Variants in NDUFAF2 observed in about 807,000 individuals in gnomAD.
NDUFAF2 encodes NADH dehydrogenase [ubiquinone] 1 alpha subcomplex assembly factor 2.
A neutral mutation model predicts 22.8 loss-of-function variants in NDUFAF2; 13 were observed. That is an observed-to-expected ratio of 0.57 (90% CI 0.37 to 0.91). The LOEUF is 0.91. Ranked by LOEUF, NDUFAF2 falls within the 40% of genes least tolerant of loss-of-function variation. NDUFAF2 has a pLI of 0.01. For synonymous variants in NDUFAF2, 53 were observed against 64.2 expected (o/e 0.83, Z 0.84); for missense variants, 162 against 195.2 (o/e 0.83, Z 1.01).
At chr5:61,106,566 T>C (rs1223107403) in intron 3 of NDUFAF2, among the ~76,000 whole-genome samples, 1 of 151,424 alleles carries the variant, frequency 6.6e-6, no homozygotes, top group East Asian at 1.9e-4. Flanking sequence ...TTATACTCTT[T>C]TAGTTATTTG....
Position 61,032,751 on chromosome 5 carries a change from A to G in NDUFAF2, c.128-40374A>G, listed in dbSNP as rs533034391. ...GTGAACTTTAAAGTAGTTTTTTCCA[A>G]TTCTGTGAAGAAAGTCAATGGTAGC... is the stretch of plus-strand genomic sequence containing the variant. On this transcript the variant is annotated intron_variant, in intron 1 of 3. Transcript: ENST00000296597. 1.2e-4 allele frequency among the ~76,000 whole-genome samples: 18 copies of G among 152,240 alleles called. No homozygotes were observed. The South Asian group carries it at 1.2e-3, about 11-fold the overall frequency.
In NDUFAF2 at chr5:61,140,871, C is replaced by A. The variant is rs181994399; in HGVS notation, c.259-11833C>A. ...TCTCTTCTTAGTTCTCTGGTTGATT[C>A]TGATTGATTGTTTAATACTGAAGTA... On this transcript the variant is annotated intron_variant, in intron 3 of 3. Coordinates refer to ENST00000296597, the MANE Select transcript of NDUFAF2 (RefSeq NM_174889.5). Among the ~76,000 whole-genome samples, 223 of 152,246 alleles carry A rather than the reference C, an allele frequency of 1.5e-3. 2 individuals are homozygous for A. Among genetic ancestry groups the A allele is most frequent in the African/African-American group, 5.1e-3 (211 of 41,554 alleles).
chr5:60,987,290 C>A (rs1751095104), intron 1 of NDUFAF2, among the ~76,000 whole-genome samples: 1 of 151,930 alleles, frequency 6.6e-6, no homozygotes, highest in Admixed American at 6.6e-5. Flanking sequence ...AATAAATAGC[C>A]TACCAATCCC....
intron 1 of NDUFAF2, among the ~76,000 whole-genome samples, chr5:61,052,542 C>T (rs1752038122): frequency 6.6e-6 from 1 of 152,124 alleles, no homozygotes; most frequent in South Asian, 2.1e-4. Context: ...GATCTCCTGA[C>T]CTCGTGATCC....
At chr5:61,139,845 A>G (rs1172765972) in intron 3 of NDUFAF2, among the ~76,000 whole-genome samples, 2 of 152,324 alleles carry the variant, frequency 1.3e-5, no homozygotes, top group African/African-American at 4.8e-5. Flanking sequence ...TGCCTTTTCC[A>G]ATACTCCCTA....
intron 1 of NDUFAF2, among the ~76,000 whole-genome samples, chr5:60,989,907 A>G (rs1046862262): frequency 6.6e-6 from 1 of 152,036 alleles, no homozygotes; most frequent in Non-Finnish European, 1.5e-5. Context: ...AGTGAAAGTT[A>G]AAAGAGAAAT....
intron 1 of NDUFAF2, among the ~76,000 whole-genome samples, chr5:61,048,683 C>T (rs1285341526): frequency 1.3e-5 from 2 of 152,132 alleles, no homozygotes; most frequent in African/African-American, 4.8e-5. Flanking sequence ...TTAATCCTAA[C>T]ATCCAAATAA....
intron 1 of NDUFAF2, among the ~76,000 whole-genome samples, chr5:60,960,360 GGAAAATAAT>G (rs1750668485): frequency 6.6e-6 from 1 of 151,978 alleles, no homozygotes. Context: ...AATAAATGAG[GGAAAATAAT>G]ATGTCTAGTG....
At chr5:61,110,228 G>C (rs1752821185) in intron 3 of NDUFAF2, among the ~76,000 whole-genome samples, 1 of 151,140 alleles carries the variant, frequency 6.6e-6, no homozygotes, top group African/African-American at 2.4e-5. Context: ...TTGCATCAGT[G>C]TTCATCAGGG....
At chr5:61,034,910 ATATGTGTG>A (rs1350705035) in intron 1 of NDUFAF2, among the ~76,000 whole-genome samples, 7 of 89,408 alleles carry the variant, frequency 7.8e-5, no homozygotes, top group South Asian at 4.0e-4. Flanking sequence ...AGGCAAATAT[ATATGTGTG>A]TGTGTGTGTG....
chr5:61,125,371 A>G (rs1175122041), intron 3 of NDUFAF2, among the ~76,000 whole-genome samples: 2 of 151,986 alleles, frequency 1.3e-5, no homozygotes, highest in Non-Finnish European at 1.5e-5. Flanking sequence ...TTGTGGTTCT[A>G]ATAGCATCTC....
intron 1 of NDUFAF2, among the ~76,000 whole-genome samples, chr5:60,993,171 A>G (rs936642547): frequency 1.3e-5 from 2 of 152,238 alleles, no homozygotes; most frequent in Non-Finnish European, 1.5e-5. Context: ...CTCCAGGTGC[A>G]GCATGGGCAC....
intron 1 of NDUFAF2, among the ~76,000 whole-genome samples, chr5:61,054,964 T>G (rs1259285156): frequency 1.3e-5 from 2 of 152,222 alleles, no homozygotes; most frequent in Non-Finnish European, 2.9e-5. Flanking sequence ...GTGTCATTAG[T>G]ATAACTTTAA....
chr5:61,067,483 A>G (rs981648618), intron 1 of NDUFAF2, among the ~76,000 whole-genome samples: 4 of 152,120 alleles, frequency 2.6e-5, no homozygotes, highest in Admixed American at 6.5e-5. Flanking sequence ...TACAAAGGAC[A>G]TGAACTCATC....
chr5:61,093,381 A>G (rs1306997284), intron 2 of NDUFAF2, among the ~76,000 whole-genome samples: 1 of 152,212 alleles, frequency 6.6e-6, no homozygotes, highest in Non-Finnish European at 1.5e-5. Context: ...CATTCCATAT[A>G]TCGGCAGTGG....
intron 2 of NDUFAF2, among the ~76,000 whole-genome samples, chr5:61,084,566 C>T (rs1016048257): frequency 2.0e-5 from 3 of 152,114 alleles, no homozygotes; most frequent in African/African-American, 4.8e-5. Context: ...TTGAATCATA[C>T]AGTATTTGAC....
At chr5:61,047,828 G>T (rs1751972384) in intron 1 of NDUFAF2, among the ~76,000 whole-genome samples, 1 of 152,130 alleles carries the variant, frequency 6.6e-6, no homozygotes, top group Non-Finnish European at 1.5e-5. Flanking sequence ...TTTTGGTGAT[G>T]CTGTATGTGC....
intron 1 of NDUFAF2, among the ~76,000 whole-genome samples, chr5:61,020,409 C>T (rs1299532078): frequency 6.6e-6 from 1 of 152,046 alleles, no homozygotes; most frequent in Non-Finnish European, 1.5e-5. Context: ...GTATATTTTA[C>T]TATAAATAAT....
chr5:61,020,216 T>C (rs1011885198), intron 1 of NDUFAF2, among the ~76,000 whole-genome samples: 2 of 152,150 alleles, frequency 1.3e-5, no homozygotes, highest in Admixed American at 1.3e-4. Context: ...AAGAACTAGC[T>C]TTTAATTACA....
Sources: allele counts gnomAD v4.1 joint callset (sites outside exome capture counted in the v4.1 genomes callset), GRCh38; gene constraint gnomAD v4.1.1; transcripts MANE v1.5; gene names NCBI Gene and HGNC (gene_info 2026-07-23, HGNC 2026-07-21).